The following ADGRE5 variants were observed in gnomAD, a reference collection of about 807,000 sequenced individuals.
The protein encoded by ADGRE5 is adhesion G protein-coupled receptor E5, also known as CD97 molecule.
A neutral mutation model predicts 100.3 loss-of-function variants in ADGRE5; 72 were observed. That is an observed-to-expected ratio of 0.72 (90% CI 0.59 to 0.87). ADGRE5 has a LOEUF of 0.87. ADGRE5 is among the 40% of genes least tolerant of loss of function. The pLI, the probability that ADGRE5 is intolerant of heterozygous loss-of-function variation, is 0.00. For synonymous variants in ADGRE5, 439 were observed against 447.8 expected, an observed-to-expected ratio of 0.98 and a Z score of 0.25; for missense variants, 959 against 1,094.7, an observed-to-expected ratio of 0.88 and a Z score of 1.75.
chr19:14,401,294 A>G lies in ADGRE5; in HGVS notation c.898-92A>G, dbSNP rs1975998586. On this transcript the variant is annotated intron_variant, in intron 9 of 19. Coordinates refer to ENST00000242786, the MANE Select transcript of ADGRE5 (RefSeq NM_078481.4). This position sits in a 1 kb window ranked among gnomAD's most constrained non-coding sequence, Gnocchi z 4.1. ...GATTCCCTTGTGCCTGTGGGTCTCCAGTGTGTCCCCTGGTAGGGGGTGACA... is the reference window on the plus strand; with the variant it reads ...GATTCCCTTGTGCCTGTGGGTCTCCGGTGTGTCCCCTGGTAGGGGGTGACA... 9.2e-7 allele frequency: 1 copy of G among 1,091,340 alleles called. No homozygotes were observed. Among genetic ancestry groups the G allele is most frequent in the Non-Finnish European group, 1.3e-6 (1 of 757,560 alleles). The allele number at this position is 1,091,340 out of a possible 1,614,324, so 67.6% of individuals were successfully genotyped here.
At position 14,381,513 on chromosome 19, in the gene ADGRE5, C is replaced by T. The variant is rs980416490; in HGVS notation, c.-11C>T. 1.2e-6 allele frequency: 2 copies of T among 1,610,114 alleles called. No individual in the cohort carries two copies. Among genetic ancestry groups the T allele is most frequent in the African/African-American group, 1.3e-5 (1 of 74,434 alleles). The stretch of plus-strand genomic sequence containing the variant: ...CTCTTTCCCCTGCCGCTCCTGCCGG[C>T]AGCTCCAACCATGGGAGGCCGCGTC... On this transcript the variant is annotated 5_prime_UTR_variant, in exon 1 of 20. Transcript: ENST00000242786.
rs373669459 is a variant in ADGRE5, at chr19:14,396,759, G to C, written c.478+286G>C. Reference sequence around the variant, plus strand: ...AAGGTGTCACTTCCAGTTCTAAGAAGGGGAATCTCCACTATGACCAGGGAG... The same window carrying C: ...AAGGTGTCACTTCCAGTTCTAAGAACGGGAATCTCCACTATGACCAGGGAG... On this transcript the variant is annotated intron_variant, in intron 5 of 19. Transcript: ENST00000242786. 1.0e-3 allele frequency among the ~76,000 whole-genome samples: 157 copies of C among 152,328 alleles called. 1 individual carries two copies. Among genetic ancestry groups the C allele is most frequent in the African/African-American group, 3.5e-3 (147 of 41,576 alleles).
Position 14,401,696 on chromosome 19 carries a change from T to C in ADGRE5, c.1119T>C (p.Thr373=). 6.3e-7 allele frequency: 1 copy of C among 1,592,134 alleles called. No individual in the cohort carries two copies. Among genetic ancestry groups the C allele is most frequent in the Non-Finnish European group, 8.6e-7 (1 of 1,169,530 alleles). ...MIQERGDKNV[T]MGQSSARMKL... The stretch of plus-strand genomic sequence containing the variant: ...AGGAGCGGGGGGACAAGAACGTCAC[T>C]ATGGGTCAGAGCAGCGCACGCATGA... The change falls in exon 11 of 20, where the codon ACT becomes ACC. Residue 373 remains threonine, a synonymous_variant. Coordinates refer to ENST00000242786, the MANE Select transcript of ADGRE5 (RefSeq NM_078481.4). The surrounding 1 kb of genome is among the most constrained non-coding windows in gnomAD (Gnocchi z 4.1).
intron 1 of ADGRE5, among the ~76,000 whole-genome samples, chr19:14,387,646 T>C (rs1166182248): frequency 6.6e-6 from 1 of 151,606 alleles, no homozygotes; most frequent in Non-Finnish European, 1.5e-5. Context: ...GAGAATGGCA[T>C]GAACCCAGGA....
chr19:14,388,341 A>T (rs1975434027), intron 1 of ADGRE5, 109 bp from the exon 2 acceptor site: 1 of 1,534,510 alleles, frequency 6.5e-7, no homozygotes, highest in Non-Finnish European at 8.8e-7. Context: ...GACCGTCAGG[A>T]TCTGAGCCTG....
At chr19:14,384,270 A>G (rs1037963548) in intron 1 of ADGRE5, among the ~76,000 whole-genome samples, 1 of 151,818 alleles carries the variant, frequency 6.6e-6, no homozygotes, top group African/African-American at 2.4e-5. Flanking sequence ...TCTGCCTTCC[A>G]CCCACCTAAG....
At position 14,407,215 on chromosome 19, in the gene ADGRE5, C is replaced by T. The variant is rs1294176973; in HGVS notation, c.2362C>T (p.Leu788=). Residue 788 remains leucine, a synonymous_variant, in exon 18 of 20, where the codon CTG becomes TTG. Coordinates refer to ENST00000242786, the MANE Select transcript of ADGRE5 (RefSeq NM_078481.4). Reference sequence around the variant, plus strand: ...CGCCTTCCTCTACCTGCTGCACTGCCTGCTCAACAAGAAGGTGGGGGCCTG... The same window carrying T: ...CGCCTTCCTCTACCTGCTGCACTGCTTGCTCAACAAGAAGGTGGGGGCCTG... The part of the protein sequence containing the change: ...QGAFLYLLHC[L]LNKKVREEYR... 2.5e-6 allele frequency: 4 copies of T among 1,613,888 alleles called. No homozygotes were observed. The highest frequency in any genetic ancestry group is 3.4e-6 in the Non-Finnish European group (4 of 1,180,002).
Position 14,406,299 on chromosome 19 carries a change from C to A in ADGRE5, c.1822-32C>A. 1 of 1,499,656 alleles carries A rather than the reference C, an allele frequency of 6.7e-7. No individual in the cohort carries two copies. 92.9% of individuals were successfully genotyped at this position (1,499,656 alleles called of 1,614,324 possible). ...CGCCGCATGCCCCTCCCCGCGCTGA[C>A]GTCGCTCCGCCCCTCCGTCCCCGCC... On this transcript the variant is annotated intron_variant, in intron 14 of 19. Transcript: ENST00000242786. The surrounding 1 kb of genome is among the most constrained non-coding windows in gnomAD (Gnocchi z 6.0).
rs569128990 is a variant in ADGRE5 at position 14,401,686 on chromosome 19, A to C, written c.1109A>C (p.Lys370Thr). 1.3e-6 allele frequency: 2 copies of C among 1,592,596 alleles called. No homozygotes were observed. Among genetic ancestry groups the C allele is most frequent in the South Asian group, 2.3e-5 (2 of 87,840 alleles). The change falls in exon 11 of 20, where the codon AAG becomes ACG. Residue 370 changes from lysine (K) to threonine (T), a missense_variant. Around this residue, in one of 6 missense-constraint regions of ADGRE5, gnomAD observed 246 missense variants for 242.2 expected, o/e 1.02. Coordinates refer to ENST00000242786, the MANE Select transcript of ADGRE5 (RefSeq NM_078481.4). This position sits in a 1 kb window ranked among gnomAD's most constrained non-coding sequence, Gnocchi z 4.1. ...LTLMIQERGD[K>T]NVTMGQSSAR... is the part of the protein sequence containing the mutation. ...CTGATGATCCAGGAGCGGGGGGACA[A>C]GAACGTCACTATGGGTCAGAGCAGC...
chr19:14,396,621 C>T, intron 5 of ADGRE5, 148 bp downstream of exon 5: 2 of 1,341,426 alleles, frequency 1.5e-6, no homozygotes, highest in Non-Finnish European at 2.0e-6. Flanking sequence ...AAGGATTCAC[C>T]TCCCAGGAAG....
At chr19:14,402,147 C>G (rs1263814757) in intron 11 of ADGRE5, among the ~76,000 whole-genome samples, 1 of 149,080 alleles carries the variant, frequency 6.7e-6, no homozygotes, top group Non-Finnish European at 1.5e-5. Flanking sequence ...AAAAAAAAGT[C>G]CAGGCACAGT....
rs566600733 is a variant in ADGRE5 at position 14,400,507 on chromosome 19, G to T, written c.898-879G>T. Among the ~76,000 whole-genome samples, 17 of 152,184 alleles carry T rather than the reference G, an allele frequency of 1.1e-4. 1 individual carries two copies. The South Asian group carries it at 3.3e-3, about 30-fold the overall frequency. On this transcript the variant is annotated intron_variant, in intron 9 of 19. Coordinates refer to ENST00000242786, the MANE Select transcript of ADGRE5 (RefSeq NM_078481.4). ...ATAAAGTTAAATTAAAGTTAAGATT[G>T]CAGGCCGGGCATGGTGGCTCAAGTC...
In ADGRE5 at chr19:14,383,059, C is replaced by T. The variant is rs144818578; in HGVS notation, c.22+1514C>T. The stretch of plus-strand genomic sequence containing the variant: ...CCAAAAAAAATTTTTTTTAATTAGT[C>T]GGGCTTGGTGGTGTGCGCCTGTAGT... On this transcript the variant is annotated intron_variant, in intron 1 of 19. Coordinates refer to ENST00000242786, the MANE Select transcript of ADGRE5 (RefSeq NM_078481.4). 8.4e-4 allele frequency among the ~76,000 whole-genome samples: 128 copies of T among 151,864 alleles called. 1 individual carries two copies. In the East Asian group the frequency reaches 0.021, roughly 25 times the overall value.
intron 3 of ADGRE5, 91 bp downstream of exon 3, chr19:14,388,909 A>G (rs1975459062): frequency 5.9e-6 from 7 of 1,181,222 alleles, no homozygotes; most frequent in Non-Finnish European, 8.9e-6. Flanking sequence ...GAGGGGCCAC[A>G]GCCTTACCTT....
intron 1 of ADGRE5, among the ~76,000 whole-genome samples, chr19:14,386,150 C>T (rs1975340297): frequency 6.6e-6 from 1 of 151,690 alleles, no homozygotes; most frequent in African/African-American, 2.4e-5. Flanking sequence ...GAGGCCAAGG[C>T]AGGTGGATCA....
chr19:14,383,150 CTG>C lies in ADGRE5; in HGVS notation c.22+1609_22+1610del, dbSNP rs545942725. Among the ~76,000 whole-genome samples the C allele has an allele frequency of 8.8e-4, 134 of 152,270 alleles. 2 individuals are homozygous for C. Among genetic ancestry groups the C allele is most frequent in the African/African-American group, 3.1e-3 (128 of 41,550 alleles). On this transcript the variant is annotated intron_variant, in intron 1 of 19. Transcript: ENST00000242786. ...CCCAGGAGGTTGAAGCTGCAGTGAG[CTG>C]TGTTTGCACCACTGCACTCCAGCCT...
chr19:14,402,550 TG>T, intron 11 of ADGRE5, 46 bp from the exon 12 acceptor site: 1 of 1,605,282 alleles, frequency 6.2e-7, no homozygotes, highest in Non-Finnish European at 8.5e-7. Flanking sequence ...GGATAGAGCA[TG>T]GGAGGAGGAC....
intron 3 of ADGRE5, among the ~76,000 whole-genome samples, chr19:14,389,745 A>C (rs1286446484): frequency 6.7e-6 from 1 of 149,256 alleles, no homozygotes; most frequent in Non-Finnish European, 1.5e-5. Flanking sequence ...TCAAAAAAAA[A>C]AAAGAGAGAG....
Position 14,406,366 on chromosome 19 carries a change from G to T in ADGRE5, c.1857G>T (p.Leu619=). 6.3e-7 allele frequency: 1 copy of T among 1,583,728 alleles called. No individual in the cohort carries two copies. Among genetic ancestry groups the T allele is most frequent in the Admixed American group, 1.8e-5 (1 of 55,610 alleles). The part of the protein sequence containing the change: ...GLRCRLVAGL[L]HYCFLAAFCW... ...GCTGCCGCCTGGTGGCCGGGCTGCT[G>T]CACTACTGTTTCCTGGCCGCCTTCT... The change falls in exon 15 of 20, where the codon CTG becomes CTT. Residue 619 remains leucine (L), a synonymous_variant. Coordinates refer to ENST00000242786, the MANE Select transcript of ADGRE5 (RefSeq NM_078481.4). The surrounding 1 kb of genome is among the most constrained non-coding windows in gnomAD (Gnocchi z 6.0).
Sources: allele counts gnomAD v4.1 joint callset (sites outside exome capture counted in the v4.1 genomes callset), GRCh38; gene constraint gnomAD v4.1.1; regional missense constraint gnomAD v4.1.1; non-coding constraint Gnocchi (gnomAD v3.1); transcripts MANE v1.5; gene names NCBI Gene and HGNC (gene_info 2026-07-23, HGNC 2026-07-21).